DPYD: variants seen among roughly 807,000 people sequenced by gnomAD.
The protein encoded by DPYD is dihydropyrimidine dehydrogenase [NADP(+)].
DPYD carries 109 observed loss-of-function variants against 116.2 expected under a neutral mutation model. The ratio of observed to expected loss-of-function variants is 0.94; its 90% confidence interval spans 0.80 to 1.10. DPYD has a LOEUF of 1.10. Among genes scored for constraint, DPYD ranks in the 50% least tolerant of loss-of-function variants. The pLI is 0.00. For synonymous variants in DPYD, 440 were observed against 432.0 expected (o/e 1.02, Z -0.23); for missense variants, 1,302 against 1,254.5 (o/e 1.04, Z -0.57).
intron 3 of DPYD, among the ~76,000 whole-genome samples, chr1:97,772,096 T>G (rs1666173516): frequency 6.6e-6 from 1 of 152,174 alleles, no homozygotes; most frequent in South Asian, 2.1e-4. Context: ...TGCCCAATGA[T>G]GTTGTCTTAA....
chr1:97,376,139 A>G (rs992860666), intron 15 of DPYD, among the ~76,000 whole-genome samples: 4 of 152,188 alleles, frequency 2.6e-5, no homozygotes, highest in African/African-American at 9.6e-5. Context: ...ACTGAGACAT[A>G]AAGAGTTCAA....
At chr1:97,202,592 C>T (rs1319054154) in intron 19 of DPYD, among the ~76,000 whole-genome samples, 1 of 152,176 alleles carries the variant, frequency 6.6e-6, no homozygotes, top group African/African-American at 2.4e-5. Context: ...TATGATGGGC[C>T]ACCCACTCGA....
intron 19 of DPYD, among the ~76,000 whole-genome samples, chr1:97,221,813 C>G (rs1276130101): frequency 6.6e-6 from 1 of 152,030 alleles, no homozygotes; most frequent in Non-Finnish European, 1.5e-5. Flanking sequence ...ACTTTGGATA[C>G]CTAATTCACT....
At chr1:97,484,940 G>A (rs1158297265) in intron 13 of DPYD, among the ~76,000 whole-genome samples, 2 of 152,068 alleles carry the variant, frequency 1.3e-5, no homozygotes, top group Admixed American at 1.3e-4. Context: ...TGTGGTCTCT[G>A]TCTTTATGTC....
chr1:97,235,085 C>T (rs904043218), intron 18 of DPYD, 91 bp from the exon 19 acceptor site: 34 of 1,466,316 alleles, frequency 2.3e-5, no homozygotes, highest in Non-Finnish European at 2.9e-5. Flanking sequence ...GTGATGACAG[C>T]GTCACTGGAC....
chr1:97,440,256 C>T (rs1019733004), intron 14 of DPYD, among the ~76,000 whole-genome samples: 14 of 148,552 alleles, frequency 9.4e-5, no homozygotes, highest in African/African-American at 3.5e-4. Flanking sequence ...AAAAGCAAAA[C>T]TCCCTCTCAA....
intron 5 of DPYD, among the ~76,000 whole-genome samples, chr1:97,705,992 A>C (rs1661926348): frequency 1.3e-5 from 2 of 151,530 alleles, no homozygotes. Context: ...TTTTCTTGTA[A>C]ATTTGTTTTT....
At position 97,521,630 on chromosome 1, in the gene DPYD, GA is replaced by G. The variant is rs1168651244; in HGVS notation, c.1525-5690del. Among the ~76,000 whole-genome samples, 5 of 152,182 alleles carry G rather than the reference GA, an allele frequency of 3.3e-5. No individual in the cohort carries two copies. The East Asian group carries it at 9.7e-4, about 29-fold the overall frequency. ...ATCCTAAGCAAAAAGAACAAAGCTG[GA>G]GGCATCACTCTATCTAACTTCAAAC... On this transcript the variant is annotated intron_variant, in intron 12 of 22. Transcript: ENST00000370192.
chr1:97,653,948 T>A (rs1658741157), intron 8 of DPYD, among the ~76,000 whole-genome samples: 2 of 152,284 alleles, frequency 1.3e-5, no homozygotes, highest in South Asian at 4.1e-4. Context: ...AAAATCAGAA[T>A]CAGATCTCTG....
chr1:97,670,305 T>C (rs1659791003), intron 8 of DPYD, among the ~76,000 whole-genome samples: 1 of 152,184 alleles, frequency 6.6e-6, no homozygotes, highest in South Asian at 2.1e-4. Flanking sequence ...AAATGTCATA[T>C]GCTGAAGCCC....
At chr1:97,735,178 C>T (rs1251859885) in intron 4 of DPYD, among the ~76,000 whole-genome samples, 2 of 152,024 alleles carry the variant, frequency 1.3e-5, no homozygotes, top group Non-Finnish European at 2.9e-5. Flanking sequence ...AACATGCATG[C>T]TTCACAGTTC....
chr1:97,187,887 T>C lies in DPYD; in HGVS notation c.2622+5182A>G, dbSNP rs372014605. On this transcript the variant is annotated intron_variant, in intron 20 of 22. Transcript: ENST00000370192. ...GTCAAAGGTCAGTTGACTGTAGATA[T>C]GTGGCTTTCTTTCTGGGTTCTTTAT... Among the ~76,000 whole-genome samples, 52 of 152,316 alleles carry C rather than the reference T, an allele frequency of 3.4e-4. 2 individuals carry two copies. The South Asian group carries it at 9.3e-3, about 27-fold the overall frequency.
chr1:97,380,806 T>G (rs1490399728), intron 15 of DPYD, among the ~76,000 whole-genome samples: 1 of 152,180 alleles, frequency 6.6e-6, no homozygotes, highest in Non-Finnish European at 1.5e-5. Flanking sequence ...GTTTTTCCAT[T>G]GTAAGGAAAT....
chr1:97,597,630 TA>T (rs1295674363), intron 8 of DPYD, among the ~76,000 whole-genome samples: 1 of 152,178 alleles, frequency 6.6e-6, no homozygotes. Flanking sequence ...ATTGCCTCAA[TA>T]ATGTGGGTGG....
chr1:97,675,260 C>T (rs1660078607), intron 8 of DPYD, among the ~76,000 whole-genome samples: 1 of 152,142 alleles, frequency 6.6e-6, no homozygotes, highest in Admixed American at 6.6e-5. Context: ...GTAGATGTTC[C>T]AATTCTACGT....
In DPYD at chr1:97,658,895, T is replaced by A. The variant is rs192129663; in HGVS notation, c.850+20200A>T. 1.1e-4 allele frequency among the ~76,000 whole-genome samples: 17 copies of A among 152,310 alleles called. No individual in the cohort carries two copies. In the East Asian group the frequency reaches 2.7e-3, roughly 24 times the overall value. On this transcript the variant is annotated intron_variant, in intron 8 of 22. Transcript: ENST00000370192. ...ATCCAGAAACACTAGAGGTTTATAA[T>A]GCTAGTTCACTGAACACCTGGCTCT... is the stretch of plus-strand genomic sequence containing the variant.
intron 3 of DPYD, among the ~76,000 whole-genome samples, chr1:97,785,362 A>G (rs939294699): frequency 6.6e-6 from 1 of 152,178 alleles, no homozygotes; most frequent in Non-Finnish European, 1.5e-5. Flanking sequence ...TGTGTTCTTC[A>G]TACTGTCATA....
intron 8 of DPYD, among the ~76,000 whole-genome samples, chr1:97,632,576 T>C (rs1266707116): frequency 6.6e-6 from 1 of 152,164 alleles, no homozygotes. Context: ...ATCATACATG[T>C]ACATTGCTAT....
chr1:97,409,703 C>T (rs954766064), intron 14 of DPYD, among the ~76,000 whole-genome samples: 1 of 152,108 alleles, frequency 6.6e-6, no homozygotes, highest in Non-Finnish European at 1.5e-5. Context: ...CCTTGGCTGC[C>T]TGCTCAACCT....
Sources: gnomAD v4.1 joint callset for allele counts (sites outside exome capture counted in the v4.1 genomes callset) on GRCh38, gnomAD v4.1.1 for gene constraint, MANE v1.5 for transcripts, NCBI Gene and HGNC (gene_info 2026-07-23, HGNC 2026-07-21) for gene names.